PTPRK: variants seen among roughly 807,000 people sequenced by gnomAD.
The protein encoded by PTPRK is protein tyrosine phosphatase receptor type K.
PTPRK carries 75 observed loss-of-function variants against 178.0 expected under a neutral mutation model. The ratio of observed to expected loss-of-function variants is 0.42; its 90% CI spans 0.35 to 0.51. PTPRK has a LOEUF of 0.51. Among genes scored for constraint, PTPRK ranks in the 20% least tolerant of loss-of-function variants. The pLI, the probability that PTPRK is intolerant of heterozygous loss-of-function variation, is 0.02. For missense variants in PTPRK, 1,441 were observed against 1,797.8 expected (o/e 0.80, Z 3.59); for synonymous variants, 637 against 620.6 (o/e 1.03, Z -0.39).
At chr6:128,299,496 A>C (rs2128311077) in intron 3 of PTPRK, among the ~76,000 whole-genome samples, 1 of 151,934 alleles carries the variant, frequency 6.6e-6, no homozygotes, top group Non-Finnish European at 1.5e-5. Context: ...AGTAACCAAA[A>C]CAGCATGGTA....
intron 1 of PTPRK, among the ~76,000 whole-genome samples, chr6:128,503,886 A>G (rs1449860543): frequency 8.2e-6 from 1 of 122,186 alleles, no homozygotes; most frequent in African/African-American, 4.1e-5. Context: ...GTGTGTGTGT[A>G]GAGATAAGGT....
At chr6:128,326,214 C>T (rs919058584) in intron 2 of PTPRK, among the ~76,000 whole-genome samples, 4 of 151,970 alleles carry the variant, frequency 2.6e-5, no homozygotes, top group Admixed American at 1.3e-4. Context: ...ATGTAGACAA[C>T]GGGTTGACGA....
At chr6:128,116,370 A>G (rs760561794) in intron 7 of PTPRK, among the ~76,000 whole-genome samples, 1 of 152,140 alleles carries the variant, frequency 6.6e-6, no homozygotes, top group Non-Finnish European at 1.5e-5. Flanking sequence ...AGGCCATTTG[A>G]TTTATTCTTG....
chr6:128,383,550 A>C (rs2128358287), intron 2 of PTPRK, among the ~76,000 whole-genome samples: 1 of 152,328 alleles, frequency 6.6e-6, no homozygotes, highest in Non-Finnish European at 1.5e-5. Flanking sequence ...CATTCCATTT[A>C]TGTATTCATT....
intron 3 of PTPRK, among the ~76,000 whole-genome samples, chr6:128,264,470 A>C (rs904560208): frequency 7.2e-5 from 11 of 152,084 alleles, no homozygotes; most frequent in African/African-American, 2.2e-4. Context: ...TTTATAGTTT[A>C]CAAAGTATTT....
chr6:128,423,014 G>GA (rs1343316731), intron 1 of PTPRK, among the ~76,000 whole-genome samples: 1 of 152,312 alleles, frequency 6.6e-6, no homozygotes, highest in East Asian at 1.9e-4. Flanking sequence ...TTAAAAAGAA[G>GA]AAACTATTTG....
intron 1 of PTPRK, among the ~76,000 whole-genome samples, chr6:128,422,426 T>A (rs563084332): frequency 6.6e-6 from 1 of 152,232 alleles, no homozygotes; most frequent in East Asian, 1.9e-4. Context: ...GGGGTCTGTG[T>A]CACATTTCTA....
chr6:128,034,308 T>C (rs1380397534), intron 13 of PTPRK, among the ~76,000 whole-genome samples: 2 of 152,200 alleles, frequency 1.3e-5, no homozygotes, highest in Non-Finnish European at 2.9e-5. Context: ...AACAACATGA[T>C]AGAAAAGCTA....
intron 7 of PTPRK, among the ~76,000 whole-genome samples, chr6:128,114,928 CTTTGT>C (rs1344847968): frequency 6.6e-6 from 1 of 151,958 alleles, no homozygotes; most frequent in Non-Finnish European, 1.5e-5. Context: ...GTATCACAGA[CTTTGT>C]TTTTCTTCAG....
intron 6 of PTPRK, among the ~76,000 whole-genome samples, chr6:128,212,484 G>A (rs987865086): frequency 1.3e-5 from 2 of 152,014 alleles, no homozygotes; most frequent in African/African-American, 4.8e-5. Context: ...TAGTAGATAG[G>A]AGTCCCTTGG....
At chr6:128,167,203 T>C (rs904953821) in intron 7 of PTPRK, among the ~76,000 whole-genome samples, 3 of 151,744 alleles carry the variant, frequency 2.0e-5, no homozygotes, top group African/African-American at 4.8e-5. Context: ...GACAGAAATA[T>C]GTACACAGCC....
intron 18 of PTPRK, among the ~76,000 whole-genome samples, chr6:127,995,084 C>T (rs1342646): frequency 0.53 from 81,061 of 151,654 alleles, 21,661 homozygotes; most frequent in Middle Eastern, 0.61. Context: ...TAGATCTTTA[C>T]GCATGTGAAA....
chr6:128,334,103 T>C lies in PTPRK; in HGVS notation c.224-11793A>G, dbSNP rs564251890. Among the ~76,000 whole-genome samples, 21 of 152,282 alleles carry C rather than the reference T, an allele frequency of 1.4e-4. 1 individual carries two copies. Among genetic ancestry groups the C allele is most frequent in the African/African-American group, 4.8e-4 (20 of 41,564 alleles). ...GCTCACCATCTTATACGGGAGCTGTTCGTGGTGCATGAAAAAATTACAACA... is the reference window on the plus strand; with the variant it reads ...GCTCACCATCTTATACGGGAGCTGTCCGTGGTGCATGAAAAAATTACAACA... On this transcript the variant is annotated intron_variant, in intron 2 of 29. Coordinates refer to ENST00000368226, the MANE Select transcript of PTPRK (RefSeq NM_002844.4).
At chr6:128,491,384 G>C (rs1853745161) in intron 1 of PTPRK, among the ~76,000 whole-genome samples, 1 of 152,174 alleles carries the variant, frequency 6.6e-6, no homozygotes, top group East Asian at 1.9e-4. Context: ...GTTCCTAACA[G>C]GAGCAAAACC....
At chr6:128,355,462 G>A (rs1014563266) in intron 2 of PTPRK, among the ~76,000 whole-genome samples, 1 of 152,036 alleles carries the variant, frequency 6.6e-6, no homozygotes, top group Non-Finnish European at 1.5e-5. Context: ...ATACATATTT[G>A]TAGAGGGCCT....
Position 128,490,877 on chromosome 6 carries a change from T to G in PTPRK, c.100+29382A>C, listed in dbSNP as rs1044904891. Among the ~76,000 whole-genome samples, 3 of 152,230 alleles carry G rather than the reference T, an allele frequency of 2.0e-5. No individual in the cohort carries two copies. In the East Asian group the frequency reaches 5.8e-4, roughly 29 times the overall value. On this transcript the variant is annotated intron_variant, in intron 1 of 29. Coordinates refer to ENST00000368226, the MANE Select transcript of PTPRK (RefSeq NM_002844.4). ...CCTTCTGGTCTTCTGTCTTCATTTC[T>G]GTGAACACACATTCTTGGAGTCTCT...
intron 7 of PTPRK, among the ~76,000 whole-genome samples, chr6:128,135,836 A>T (rs934303537): frequency 3.1e-4 from 47 of 151,906 alleles, no homozygotes; most frequent in Middle Eastern, 3.4e-3. Context: ...AAAATAAAAA[A>T]AAATAAAAAT....
intron 2 of PTPRK, among the ~76,000 whole-genome samples, chr6:128,344,727 G>C (rs149621725): frequency 6.6e-6 from 1 of 151,902 alleles, no homozygotes; most frequent in Non-Finnish European, 1.5e-5. Context: ...ATTTGCCCAG[G>C]CTGGTTTGGA....
At chr6:128,225,121 TA>T (rs1312392375) in intron 5 of PTPRK, among the ~76,000 whole-genome samples, 1 of 152,200 alleles carries the variant, frequency 6.6e-6, no homozygotes, top group African/African-American at 2.4e-5. Flanking sequence ...CATTTCAGAC[TA>T]AAAAGAGCTG....
Sources: gnomAD v4.1 joint callset for allele counts (sites outside exome capture counted in the v4.1 genomes callset) on GRCh38, gnomAD v4.1.1 for gene constraint, MANE v1.5 for transcripts, NCBI Gene and HGNC (gene_info 2026-07-23, HGNC 2026-07-21) for gene names.